Variants in ARHGEF26 observed in about 807,000 individuals in gnomAD.
The protein encoded by ARHGEF26 is Rho guanine nucleotide exchange factor (GEF) 26.
In ARHGEF26, 59 loss-of-function variants were observed where a neutral mutation model predicts 89.4. The ratio of observed to expected loss-of-function variants is 0.66; its 90% CI spans 0.54 to 0.82. The LOEUF (loss-of-function observed/expected upper bound fraction) is 0.82, where lower values mean the gene tolerates loss of function less well. Among genes scored for constraint, ARHGEF26 ranks in the 40% least tolerant of loss-of-function variants. The probability of loss-of-function intolerance (pLI) is 0.00; values close to 1 mark genes in which losing one functional copy is unlikely to be tolerated. For synonymous variants in ARHGEF26, 500 were observed against 428.4 expected, an observed-to-expected ratio of 1.17 and a Z score of -2.06; for missense variants, 1,234 against 1,085.6, an observed-to-expected ratio of 1.14 and a Z score of -1.92.
At chr3:154,128,203 A>C (rs1204320078) in intron 3 of ARHGEF26, among the ~76,000 whole-genome samples, 3 of 152,190 alleles carry the variant, frequency 2.0e-5, no homozygotes, top group African/African-American at 7.2e-5. Context: ...TGGCTGAGGC[A>C]AGGCCCTACA....
At chr3:154,180,035 G>C (rs1034750573) in intron 6 of ARHGEF26, among the ~76,000 whole-genome samples, 5 of 152,048 alleles carry the variant, frequency 3.3e-5, no homozygotes, top group Non-Finnish European at 4.4e-5. Flanking sequence ...AGTCACTTTT[G>C]TATCGTGGCT....
intron 6 of ARHGEF26, among the ~76,000 whole-genome samples, chr3:154,181,431 A>G (rs890480221): frequency 2.6e-5 from 4 of 152,140 alleles, no homozygotes; most frequent in Non-Finnish European, 4.4e-5. Flanking sequence ...GACGTCCAAG[A>G]ATGATTTCAG....
At position 154,152,922 on chromosome 3, in the gene ARHGEF26, G is replaced by C; in HGVS notation, c.1477G>C (p.Ala493Pro). 6.3e-7 allele frequency: 1 copy of C among 1,586,468 alleles called. No homozygotes were observed. The highest frequency in any genetic ancestry group is 1.2e-5 in the South Asian group (1 of 84,324). Residue 493 changes from alanine to proline, a missense_variant, in exon 6 of 15, where the codon GCA becomes CCA. By Grantham distance (27) the Ala-to-Pro change is conservative. Coordinates refer to ENST00000465093, the MANE Select transcript of ARHGEF26 (RefSeq NM_015595.4). ...CTCCAATATTACAGATGTCTGTGAG[G>C]CAAGCAAAAAGTAAGTGCACTGCAG... ...LFSNITDVCE[A>P]SKKFFIELEA...
intron 4 of ARHGEF26, among the ~76,000 whole-genome samples, chr3:154,132,175 T>A (rs2108052242): frequency 6.6e-6 from 1 of 152,302 alleles, no homozygotes; most frequent in South Asian, 2.1e-4. Flanking sequence ...TTCACTTACA[T>A]TTTACTTTAA....
chr3:154,186,919 C>T (rs1252214378), intron 6 of ARHGEF26, among the ~76,000 whole-genome samples: 91 of 52,068 alleles, frequency 1.7e-3, no homozygotes, highest in African/African-American at 4.4e-3. Context: ...TTTTTTGAGA[C>T]GGAGTCTCTG....
chr3:154,230,675 T>C (rs1716776940), intron 11 of ARHGEF26, among the ~76,000 whole-genome samples: 1 of 152,196 alleles, frequency 6.6e-6, no homozygotes, highest in Non-Finnish European at 1.5e-5. Context: ...AACATTTCCT[T>C]CCTGCAGACA....
intron 9 of ARHGEF26, among the ~76,000 whole-genome samples, chr3:154,204,897 G>C (rs1714918021): frequency 6.6e-6 from 1 of 152,070 alleles, no homozygotes; most frequent in Non-Finnish European, 1.5e-5. Flanking sequence ...TATTACTTCA[G>C]AATTTTTGAA....
At position 154,255,731 on chromosome 3, in the gene ARHGEF26, AG is replaced by A; in HGVS notation, c.*261del. On this transcript the variant is annotated 3_prime_UTR_variant, in exon 15 of 15. Coordinates refer to ENST00000465093, the MANE Select transcript of ARHGEF26 (RefSeq NM_015595.4). ...ACAGAATAGCTGAGCAGTTCACTTC[AG>A]GGATCAGGTCATCTCTGCTCCTCCT... 7.8e-7 allele frequency: 1 copy of A among 1,273,908 alleles called. No homozygotes were observed. Among genetic ancestry groups the A allele is most frequent in the Non-Finnish European group, 9.9e-7 (1 of 1,012,564 alleles). 78.9% of individuals were successfully genotyped at this position (1,273,908 alleles called of 1,614,324 possible).
At chr3:154,199,857 C>G (rs1380461583) in intron 9 of ARHGEF26, among the ~76,000 whole-genome samples, 1 of 152,026 alleles carries the variant, frequency 6.6e-6, no homozygotes, top group Non-Finnish European at 1.5e-5. Flanking sequence ...ATTTGTATGT[C>G]TTTTGAGAAA....
chr3:154,154,257 T>C (rs1193652621), intron 6 of ARHGEF26, among the ~76,000 whole-genome samples: 1 of 152,032 alleles, frequency 6.6e-6, no homozygotes, highest in Non-Finnish European at 1.5e-5. Context: ...CAATTCCTGC[T>C]CCAGGCCTGG....
At chr3:154,123,159 AC>A in intron 2 of ARHGEF26, 84 bp downstream of exon 2, 1 of 1,540,200 alleles carries the variant, frequency 6.5e-7, no homozygotes, top group African/African-American at 1.4e-5. Context: ...CGTAGAGGAA[AC>A]CCGAAGAAGT....
chr3:154,218,011 G>A, intron 10 of ARHGEF26, 53 bp downstream of exon 10: 7 of 1,465,856 alleles, frequency 4.8e-6, no homozygotes, highest in Non-Finnish European at 6.5e-6. Flanking sequence ...TCTCTAAATA[G>A]AGAGAGACAG....
chr3:154,226,603 A>C (rs1716501464), intron 11 of ARHGEF26, among the ~76,000 whole-genome samples: 2 of 152,000 alleles, frequency 1.3e-5, no homozygotes, highest in Non-Finnish European at 2.9e-5. Context: ...ATGTCCATGA[A>C]GAATATTGTA....
chr3:154,239,068 T>G (rs357504), intron 11 of ARHGEF26, among the ~76,000 whole-genome samples: 137,827 of 152,040 alleles, frequency 0.91, 62,698 homozygotes, highest in East Asian at 1. Flanking sequence ...TTACAGAGAG[T>G]TTGTAGTTGA....
At chr3:154,181,726 A>G (rs1713195427) in intron 6 of ARHGEF26, among the ~76,000 whole-genome samples, 2 of 152,074 alleles carry the variant, frequency 1.3e-5, no homozygotes, top group African/African-American at 4.8e-5. Context: ...AATTGTAAAG[A>G]CTTGTGCTGG....
At position 154,254,806 on chromosome 3, in the gene ARHGEF26, T is replaced by TATCA; in HGVS notation, c.2457_2460dup (p.Arg821SerfsTer9). On this transcript the variant is annotated frameshift_variant, in exon 14 of 15. Coordinates refer to ENST00000465093, the MANE Select transcript of ARHGEF26 (RefSeq NM_015595.4). LOFTEE classifies it high-confidence loss of function. ...GCAGGTGGCTGACGTCGTCCTCATC[T>TATCA]ATCAACGTGTCAGCGATGGTGAGTG... 1.2e-6 allele frequency: 2 copies of TATCA among 1,613,790 alleles called. No homozygotes were observed. The highest frequency in any genetic ancestry group is 1.7e-6 in the Non-Finnish European group (2 of 1,179,792).
At chr3:154,242,242 G>C (rs1183402208) in intron 12 of ARHGEF26, among the ~76,000 whole-genome samples, 1 of 152,126 alleles carries the variant, frequency 6.6e-6, no homozygotes, top group Non-Finnish European at 1.5e-5. Flanking sequence ...GATGGATCTG[G>C]GCAAAGTAAA....
chr3:154,134,457 A>G (rs1718882088), intron 4 of ARHGEF26, among the ~76,000 whole-genome samples: 1 of 152,148 alleles, frequency 6.6e-6, no homozygotes, highest in African/African-American at 2.4e-5. Context: ...CCGTTTTTAA[A>G]ACCATCAGAT....
chr3:154,240,088 A>G (rs1415746248), intron 11 of ARHGEF26, among the ~76,000 whole-genome samples: 2 of 152,170 alleles, frequency 1.3e-5, no homozygotes, highest in Non-Finnish European at 2.9e-5. Flanking sequence ...TAAGGATGCA[A>G]GGATCACTTA....
Sources: gnomAD v4.1 joint callset for allele counts (sites outside exome capture counted in the v4.1 genomes callset) on GRCh38, gnomAD v4.1.1 for gene constraint, MANE v1.5 for transcripts, NCBI Gene and HGNC (gene_info 2026-07-23, HGNC 2026-07-21) for gene names.